Variants in COPB2 observed in about 807,000 individuals in gnomAD.
COPB2 encodes coat protein complex I subunit beta 2.
Under a neutral mutation model 120.8 loss-of-function variants are expected in COPB2, and 16 were observed. That is an observed-to-expected ratio of 0.13 (90% CI 0.09 to 0.20). The LOEUF (loss-of-function observed/expected upper bound fraction) is 0.20. Ranked by LOEUF, COPB2 falls within the 10% of genes least tolerant of loss-of-function variation. The pLI is 1.00. For synonymous variants in COPB2, 332 were observed against 366.3 expected (o/e 0.91, Z 1.07); for missense variants, 794 against 1,076.5 (o/e 0.74, Z 3.67).
intron 7 of COPB2, 150 bp downstream of exon 7, chr3:139,374,339 C>A: frequency 3.4e-6 from 2 of 587,878 alleles, no homozygotes; most frequent in Non-Finnish European, 6.1e-6. Context: ...GAAAATAATG[C>A]CCCTTTACTC....
chr3:139,381,401 TAAACACAGGGA>T (rs1225450110), intron 2 of COPB2: 1 of 152,154 alleles, frequency 6.6e-6, no homozygotes, highest in African/African-American at 2.4e-5. Context: ...GTTGGTGATA[TAAACACAGGGA>T]AAAAACAGGG....
At chr3:139,358,335 C>G (rs79695313) in intron 20 of COPB2, 64 bp from the exon 21 acceptor site, 108,306 of 1,418,672 alleles carry the variant, frequency 0.076, 4,544 homozygotes, top group Middle Eastern at 0.12. Context: ...TAAAGTTTTC[C>G]CCCAAGAAAA....
intron 2 of COPB2, chr3:139,380,192 C>T (rs922299483): frequency 2.0e-5 from 3 of 151,446 alleles, no homozygotes; most frequent in Non-Finnish European, 2.9e-5. Flanking sequence ...TTGTATTTTT[C>T]GTACAGACGG....
At chr3:139,375,809 G>T (rs190061174) in intron 5 of COPB2, among the ~76,000 whole-genome samples, 195 bp from the exon 6 acceptor site, 1 of 152,066 alleles carries the variant, frequency 6.6e-6, no homozygotes, top group Non-Finnish European at 1.5e-5. Flanking sequence ...TCACTATGGC[G>T]TTCTTTAAAA....
chr3:139,382,227 G>A (rs1941829027), intron 2 of COPB2: 1 of 152,164 alleles, frequency 6.6e-6, no homozygotes, highest in Non-Finnish European at 1.5e-5. Context: ...TTTCCCCCTT[G>A]CCGTTCTCGT....
intron 12 of COPB2, 105 bp from the exon 13 acceptor site, chr3:139,368,393 G>C: frequency 8.4e-7 from 1 of 1,188,034 alleles, no homozygotes; most frequent in South Asian, 1.6e-5. Context: ...ATATCAAGAT[G>C]ATAAGTATTC....
At chr3:139,378,718 G>C (rs1189544414) in intron 4 of COPB2, among the ~76,000 whole-genome samples, 1 of 152,152 alleles carries the variant, frequency 6.6e-6, no homozygotes, top group East Asian at 1.9e-4. Context: ...TATAAAGATT[G>C]AACTGAATAG....
chr3:139,358,080 ATTTCAAAGCCCC>A, intron 21 of COPB2, 108 bp downstream of exon 21: 1 of 1,061,242 alleles, frequency 9.4e-7, no homozygotes, highest in South Asian at 1.5e-5. Flanking sequence ...GCATCTTCCC[ATTTCAAAGCCCC>A]TGCTCTGAAA....
chr3:139,387,671 G>A (rs1466932347), intron 1 of COPB2, among the ~76,000 whole-genome samples: 1 of 152,158 alleles, frequency 6.6e-6, no homozygotes, highest in Non-Finnish European at 1.5e-5. Context: ...ATATATTTGA[G>A]TATGGGGGTT....
chr3:139,368,372 T>A (rs915342214), intron 12 of COPB2, 84 bp from the exon 13 acceptor site: 26 of 1,349,418 alleles, frequency 1.9e-5, no homozygotes, highest in Non-Finnish European at 2.5e-5. Context: ...TCTTACAACA[T>A]TTACCTTCTT....
intron 5 of COPB2, among the ~76,000 whole-genome samples, chr3:139,377,807 C>T (rs112081077): frequency 2.6e-5 from 4 of 152,308 alleles, no homozygotes; most frequent in African/African-American, 9.6e-5. Flanking sequence ...ATTTTTATAA[C>T]ATGCTGCCTC....
intron 15 of COPB2, among the ~76,000 whole-genome samples, chr3:139,365,976 T>C (rs974603328): frequency 3.3e-5 from 5 of 152,048 alleles, no homozygotes; most frequent in African/African-American, 1.2e-4. Flanking sequence ...AAGGCGAAAT[T>C]CTCATCTTCT....
At position 139,383,386 on chromosome 3, in the gene COPB2, A is replaced by G. The variant is rs987417549; in HGVS notation, c.53T>C (p.Val18Ala). The change falls in exon 2 of 22, where the codon GTT (valine) becomes GCT (alanine). Residue 18 changes from valine to alanine, a missense_variant. Transcript: ENST00000333188. ...KRKLTARSDRVKSVDLHPTEP... is the reference protein window; with the variant it reads ...KRKLTARSDRAKSVDLHPTEP... Reference sequence around the variant, plus strand: ...TGTAGGATGCAGATCCACACTCTTAACTCGATCAGATCTAGCAGTTAGCTT... The same window carrying G: ...TGTAGGATGCAGATCCACACTCTTAGCTCGATCAGATCTAGCAGTTAGCTT... 23 of 1,613,102 alleles carry G rather than the reference A, an allele frequency of 1.4e-5. No individual in the cohort carries two copies. The highest frequency in any genetic ancestry group is 1.8e-5 in the Non-Finnish European group (21 of 1,179,674).
At chr3:139,363,938 A>G (rs13326837) in intron 15 of COPB2, among the ~76,000 whole-genome samples, 57,920 of 152,124 alleles carry the variant, frequency 0.38, 13,793 homozygotes, top group Non-Finnish European at 0.53. Flanking sequence ...GATCTCTGGA[A>G]CTAGTCAGAT....
rs182960614 is a variant in COPB2 at position 139,378,405 on chromosome 3, T to G, written c.356-216A>C. 1.8e-3 allele frequency among the ~76,000 whole-genome samples: 273 copies of G among 152,184 alleles called. No homozygotes were observed. The highest frequency in any genetic ancestry group is 6.3e-3 in the African/African-American group (263 of 41,516). On this transcript the variant is annotated intron_variant, in intron 4 of 21. Coordinates refer to ENST00000333188, the MANE Select transcript of COPB2 (RefSeq NM_004766.3). ...GTGGAGATAAAATAAATAAAATAGA[T>G]TAGAAATAGAAAATATAAAAATTCT...
Position 139,359,178 on chromosome 3 carries a change from C to G in COPB2, c.2304G>C (p.Arg768Ser). The G allele has an allele frequency of 1.2e-6, 2 of 1,612,760 alleles. No homozygotes were observed. Among genetic ancestry groups the G allele is most frequent in the Non-Finnish European group, 1.7e-6 (2 of 1,179,592 alleles). Residue 768 changes from arginine to serine, a missense_variant and splice_region_variant, in exon 19 of 22, where the codon AGG becomes AGC. Coordinates refer to ENST00000333188, the MANE Select transcript of COPB2 (RefSeq NM_004766.3). ...ARTYLPSQVS[R>S]VVKLWRENLS... ...GATTCTCTCTCCAGAGTTTCACTAC[C>G]CTATTATAGACATCATGGAACCAAA...
intron 2 of COPB2, chr3:139,381,438 T>A (rs1353062264): frequency 6.6e-6 from 1 of 152,136 alleles, no homozygotes; most frequent in African/African-American, 2.4e-5. Context: ...CAAAGACAGA[T>A]TAATCATTCA....
rs867647064 is a variant in COPB2 at position 139,366,763 on chromosome 3, G to T, written c.1689C>A (p.Leu563=). The T allele has an allele frequency of 3.1e-6, 5 of 1,613,288 alleles. No homozygotes were observed. In the Middle Eastern group the frequency reaches 8.3e-4, roughly 267 times the overall value. Residue 563 remains leucine, a synonymous_variant, in exon 15 of 22, where the codon CTC becomes CTA. Transcript: ENST00000333188. ...TGTTGTCTTTAGGAATGTAGCCTAG[G>T]AGATACATCGTCCTATAAAAGAAAC... ...TIAHLDRTMY[L]LGYIPKDNRL... is the part of the protein sequence containing the mutation.
intron 7 of COPB2, chr3:139,374,200 T>C: frequency 4.6e-6 from 2 of 433,150 alleles, no homozygotes; most frequent in South Asian, 6.1e-5. Flanking sequence ...GAACCCAGGT[T>C]TGTTTGACTC....
Sources: allele counts gnomAD v4.1 joint callset (sites outside exome capture counted in the v4.1 genomes callset), GRCh38; gene constraint gnomAD v4.1.1; transcripts MANE v1.5; gene names NCBI Gene and HGNC (gene_info 2026-07-23, HGNC 2026-07-21).